HTR1F: variants seen among roughly 807,000 people sequenced by gnomAD.
HTR1F encodes 5-hydroxytryptamine (serotonin) receptor 1F, G protein-coupled.
A neutral mutation model predicts 24.0 loss-of-function variants in HTR1F; 17 were observed. That is an observed-to-expected ratio of 0.71 (90% CI 0.48 to 1.06). HTR1F has a LOEUF of 1.06. Ranked by LOEUF, HTR1F falls within the 50% of genes least tolerant of loss-of-function variation. The probability of loss-of-function intolerance (pLI) is 0.00; values close to 1 mark genes in which losing one functional copy is unlikely to be tolerated. For missense variants in HTR1F, 391 were observed against 427.8 expected (o/e 0.91, Z 0.76); for synonymous variants, 186 against 156.8 (o/e 1.19, Z -1.39).
rs147827549 is a variant in HTR1F, at chr3:87,991,301, C to T, written c.552C>T (p.Tyr184=). Residue 184 remains tyrosine, a synonymous_variant, in exon 3 of 3, where the codon TAC becomes TAT. Transcript: ENST00000319595. ...ACGACCACATTGTTTCCACCATTTA[C>T]TCAACATTTGGAGCTTTCTACATCC... is the stretch of plus-strand genomic sequence containing the variant. ...IKHDHIVSTI[Y]STFGAFYIPL... The T allele has an allele frequency of 1.4e-4, 221 of 1,613,986 alleles. 1 individual carries two copies. In the East Asian group the frequency reaches 4.4e-3, roughly 32 times the overall value.
intron 2 of HTR1F, among the ~76,000 whole-genome samples, chr3:87,978,918 A>AAGGG (rs1705461231): frequency 9.5e-6 from 1 of 105,456 alleles, no homozygotes; most frequent in Non-Finnish European, 2.0e-5. Flanking sequence ...GGAAGGAAGG[A>AAGGG]AGGAAGGAAG....
Position 87,845,339 on chromosome 3 carries a change from G to A in HTR1F, c.-43+23215G>A, listed in dbSNP as rs1281302091. 2.2e-4 allele frequency among the ~76,000 whole-genome samples: 34 copies of A among 151,650 alleles called. 2 individuals are homozygous for A. The highest frequency in any genetic ancestry group is 4.7e-4 in the Non-Finnish European group (32 of 68,004). ...GATTGTATATCTAGAAAACCCCATA[G>A]TCTCAGCCCAAAATCTCCTTAAGCT... is the stretch of plus-strand genomic sequence containing the variant. On this transcript the variant is annotated intron_variant, in intron 2 of 2. Transcript: ENST00000319595.
At chr3:87,868,073 A>C (rs910644085) in intron 2 of HTR1F, among the ~76,000 whole-genome samples, 13 of 152,202 alleles carry the variant, frequency 8.5e-5, no homozygotes, top group Admixed American at 7.9e-4. Flanking sequence ...CACTACTAAC[A>C]GTTGTCTCTC....
At chr3:87,845,034 C>A (rs1451937329) in intron 2 of HTR1F, among the ~76,000 whole-genome samples, 3 of 151,860 alleles carry the variant, frequency 2.0e-5, no homozygotes, top group Admixed American at 6.6e-5. Context: ...ATTCAACAAC[C>A]TTTCATGCTA....
chr3:87,795,339 CA>C (rs1212025150), intron 1 of HTR1F, among the ~76,000 whole-genome samples: 1 of 152,136 alleles, frequency 6.6e-6, no homozygotes, highest in Non-Finnish European at 1.5e-5. Context: ...TCTTATCTAG[CA>C]AATGTGGTCT....
At chr3:87,953,410 A>G (rs1402408036) in intron 2 of HTR1F, among the ~76,000 whole-genome samples, 1 of 151,708 alleles carries the variant, frequency 6.6e-6, no homozygotes, top group Non-Finnish European at 1.5e-5. Flanking sequence ...TCTTACAAAA[A>G]AAGACATACA....
chr3:87,906,686 G>A (rs187312580), intron 2 of HTR1F, among the ~76,000 whole-genome samples: 9 of 148,758 alleles, frequency 6.1e-5, no homozygotes, highest in African/African-American at 2.0e-4. Flanking sequence ...TTTATTCCTC[G>A]CCCCCCTCTC....
intron 2 of HTR1F, among the ~76,000 whole-genome samples, chr3:87,891,077 G>A (rs1214465497): frequency 1.3e-5 from 2 of 152,014 alleles, no homozygotes; most frequent in African/African-American, 4.8e-5. Flanking sequence ...CTGACCTCAG[G>A]TGATCCCCCT....
chr3:87,895,408 T>C (rs760863429), intron 2 of HTR1F, among the ~76,000 whole-genome samples: 32 of 152,104 alleles, frequency 2.1e-4, no homozygotes, highest in Admixed American at 6.6e-4. Context: ...CTGTATTATA[T>C]ATACATATAT....
At chr3:87,950,236 C>T (rs1704803269) in intron 2 of HTR1F, among the ~76,000 whole-genome samples, 1 of 152,182 alleles carries the variant, frequency 6.6e-6, no homozygotes, top group Non-Finnish European at 1.5e-5. Flanking sequence ...CCCCACCTCC[C>T]AATACTGCCA....
chr3:87,909,696 T>G (rs1312455765), intron 2 of HTR1F, among the ~76,000 whole-genome samples: 1 of 152,052 alleles, frequency 6.6e-6, no homozygotes, highest in African/African-American at 2.4e-5. Context: ...GAAGCTAAGC[T>G]TGAAACCTAG....
chr3:87,799,011 T>C (rs1256477447), intron 1 of HTR1F, among the ~76,000 whole-genome samples: 2 of 152,098 alleles, frequency 1.3e-5, no homozygotes, highest in Non-Finnish European at 2.9e-5. Context: ...AAAACAAAAA[T>C]AGGAAAAAAT....
chr3:87,841,833 G>T (rs1434136484), intron 2 of HTR1F, among the ~76,000 whole-genome samples: 2 of 141,446 alleles, frequency 1.4e-5, no homozygotes, highest in Non-Finnish European at 3.0e-5. Flanking sequence ...CCTGGAGGCA[G>T]AGATTGCAGT....
chr3:87,967,226 G>C (rs1705183602), intron 2 of HTR1F, among the ~76,000 whole-genome samples: 1 of 152,180 alleles, frequency 6.6e-6, no homozygotes, highest in African/African-American at 2.4e-5. Flanking sequence ...AAGGTGGGCA[G>C]ATCACTTGAG....
chr3:87,869,434 TACATA>T (rs1250413720), intron 2 of HTR1F, among the ~76,000 whole-genome samples: 133 of 91,596 alleles, frequency 1.5e-3, no homozygotes, highest in Admixed American at 3.5e-3. Flanking sequence ...GATAGATAGA[TACATA>T]GATAGATAGA....
rs147933481 is a variant in HTR1F at position 87,944,016 on chromosome 3, C to T, written c.-42-46692C>T. 4.7e-3 allele frequency among the ~76,000 whole-genome samples: 723 copies of T among 152,294 alleles called. 2 individuals are homozygous for T. The highest frequency in any genetic ancestry group is 0.017 in the African/African-American group (690 of 41,554). On this transcript the variant is annotated intron_variant, in intron 2 of 2. Transcript: ENST00000319595. ...TAGAGCCCCCTCTGTGGTCCTAATGCTTATTCCTTTCCAGGGTGCGTAACC... is the reference window on the plus strand; with the variant it reads ...TAGAGCCCCCTCTGTGGTCCTAATGTTTATTCCTTTCCAGGGTGCGTAACC...
chr3:87,900,324 ACTCTGT>A (rs1706293533), intron 2 of HTR1F, among the ~76,000 whole-genome samples: 1 of 152,202 alleles, frequency 6.6e-6, no homozygotes, highest in Non-Finnish European at 1.5e-5. Context: ...CAAAAAGTGC[ACTCTGT>A]CTCTGTTCAG....
chr3:87,816,297 T>G (rs559101777), intron 1 of HTR1F, among the ~76,000 whole-genome samples: 1 of 152,260 alleles, frequency 6.6e-6, no homozygotes, highest in South Asian at 2.1e-4. Context: ...TTAGTTTCTA[T>G]AGCAATGCTC....
intron 2 of HTR1F, among the ~76,000 whole-genome samples, chr3:87,930,314 T>TA (rs989684279): frequency 6.6e-6 from 1 of 152,274 alleles, no homozygotes; most frequent in Admixed American, 6.5e-5. Context: ...GGACTTCCAA[T>TA]ACTATGTTGA....
Sources: allele counts gnomAD v4.1 joint callset (sites outside exome capture counted in the v4.1 genomes callset), GRCh38; gene constraint gnomAD v4.1.1; transcripts MANE v1.5; gene names NCBI Gene and HGNC (gene_info 2026-07-23, HGNC 2026-07-21).